The following CSMD1 variants were observed in gnomAD, a reference collection of about 807,000 sequenced individuals.
The protein encoded by CSMD1 is CUB and Sushi multiple domains 1.
A neutral mutation model predicts 417.5 loss-of-function variants in CSMD1; 213 were observed. That is an observed-to-expected ratio of 0.51 (90% CI 0.46 to 0.57). CSMD1 has a LOEUF of 0.57. Ranked by LOEUF, CSMD1 falls within the 20% of genes least tolerant of loss-of-function variation. CSMD1 has a pLI of 0.00. For missense variants in CSMD1, 6,923 were observed against 4,529.7 expected (o/e 1.53, Z -15.17); for synonymous variants, 2,862 against 1,736.8 (o/e 1.65, Z -16.11).
chr8:3,752,794 G>T (rs1005341840), intron 6 of CSMD1, among the ~76,000 whole-genome samples: 1 of 150,310 alleles, frequency 6.7e-6, no homozygotes, highest in Non-Finnish European at 1.5e-5. Context: ...GGCAAATAAA[G>T]ACTGCTGGTT....
chr8:4,985,108 G>C (rs1271117257), intron 1 of CSMD1, among the ~76,000 whole-genome samples: 1 of 152,104 alleles, frequency 6.6e-6, no homozygotes, highest in Non-Finnish European at 1.5e-5. Flanking sequence ...AACTAATCTA[G>C]GAACAGAAAA....
At chr8:4,470,106 G>A (rs1009614401) in intron 2 of CSMD1, among the ~76,000 whole-genome samples, 3 of 151,884 alleles carry the variant, frequency 2.0e-5, no homozygotes, top group Non-Finnish European at 4.4e-5. Context: ...TCCTGATCTC[G>A]TGATCCGCCC....
intron 1 of CSMD1, among the ~76,000 whole-genome samples, chr8:4,718,088 C>T (rs1040525755): frequency 6.6e-6 from 1 of 152,088 alleles, no homozygotes; most frequent in African/African-American, 2.4e-5. Context: ...GGAGATCCTC[C>T]CACTTCCTCA....
intron 3 of CSMD1, among the ~76,000 whole-genome samples, chr8:4,218,560 T>C (rs561469814): frequency 7.2e-5 from 11 of 152,338 alleles, no homozygotes; most frequent in African/African-American, 2.6e-4. Flanking sequence ...TGAGTCAAGT[T>C]GTCTATGTTC....
chr8:3,909,547 C>T (rs1490708083), intron 5 of CSMD1, among the ~76,000 whole-genome samples: 1 of 152,154 alleles, frequency 6.6e-6, no homozygotes, highest in East Asian at 1.9e-4. Context: ...CCAGGTATTT[C>T]AACCCTAGGG....
chr8:4,366,704 T>C, intron 3 of CSMD1, among the ~76,000 whole-genome samples: 1 of 150,060 alleles, frequency 6.7e-6, no homozygotes, highest in East Asian at 2.0e-4. Context: ...TTCTTTTTCT[T>C]TTATTTTATT....
intron 5 of CSMD1, among the ~76,000 whole-genome samples, chr8:3,941,785 T>G (rs1283084910): frequency 1.3e-5 from 2 of 152,106 alleles, no homozygotes; most frequent in Non-Finnish European, 2.9e-5. Flanking sequence ...TGATTCCAAT[T>G]TTTCCTCTGT....
At chr8:4,115,116 G>GA (rs1324703411) in intron 3 of CSMD1, among the ~76,000 whole-genome samples, 1 of 152,062 alleles carries the variant, frequency 6.6e-6, no homozygotes, top group Non-Finnish European at 1.5e-5. Context: ...AATCTTTCAT[G>GA]AAAAAAAGTC....
rs562077835 is a variant in CSMD1 at position 3,256,231 on chromosome 8, G to A, written c.4154-26000C>T. On this transcript the variant is annotated intron_variant, in intron 26 of 69. Coordinates refer to ENST00000635120, the MANE Select transcript of CSMD1 (RefSeq NM_033225.6). ...AATCCCAACTACTCAGGGGGCTGAG[G>A]CAGGAGAATTGCTTGAACCTGGGAG... Among the ~76,000 whole-genome samples the A allele has an allele frequency of 4.0e-5, 6 of 151,534 alleles. No individual in the cohort carries two copies. In the East Asian group the frequency reaches 5.9e-4, roughly 15 times the overall value.
intron 3 of CSMD1, among the ~76,000 whole-genome samples, chr8:4,370,395 G>A (rs767990998): frequency 6.6e-6 from 1 of 151,988 alleles, no homozygotes. Flanking sequence ...CACAGACCTT[G>A]GAAAATCTGA....
chr8:4,001,463 G>T (rs1045063243), intron 4 of CSMD1, among the ~76,000 whole-genome samples: 1 of 152,070 alleles, frequency 6.6e-6, no homozygotes, highest in African/African-American at 2.4e-5. Flanking sequence ...GGTAAAAGAG[G>T]GTTCTTTTTT....
chr8:4,211,353 T>C (rs561529213), intron 3 of CSMD1, among the ~76,000 whole-genome samples: 1 of 152,216 alleles, frequency 6.6e-6, no homozygotes, highest in East Asian at 1.9e-4. Context: ...ATTTCTTTTA[T>C]TCCCTGTTTT....
At chr8:4,092,772 C>T (rs2130852392) in intron 3 of CSMD1, among the ~76,000 whole-genome samples, 1 of 152,104 alleles carries the variant, frequency 6.6e-6, no homozygotes. Context: ...ATTCCTTTTA[C>T]TGTATTATTT....
intron 1 of CSMD1, among the ~76,000 whole-genome samples, chr8:4,746,839 C>T (rs1397636149): frequency 6.6e-6 from 1 of 152,150 alleles, no homozygotes; most frequent in Non-Finnish European, 1.5e-5. Context: ...ATAGTGATAC[C>T]TGGCATGTGA....
intron 29 of CSMD1, among the ~76,000 whole-genome samples, chr8:3,215,406 C>T (rs542197633): frequency 2.6e-5 from 4 of 152,300 alleles, no homozygotes; most frequent in Admixed American, 6.5e-5. Context: ...ATTGAGGGCT[C>T]ATTATGTACC....
chr8:4,834,710 A>G (rs1585182332), intron 1 of CSMD1, among the ~76,000 whole-genome samples: 2 of 152,156 alleles, frequency 1.3e-5, no homozygotes, highest in South Asian at 4.2e-4. Flanking sequence ...TAATCCCAGC[A>G]CTTTGGGAGG....
chr8:3,539,125 G>C (rs1036677749), intron 10 of CSMD1, among the ~76,000 whole-genome samples: 1 of 152,170 alleles, frequency 6.6e-6, no homozygotes, highest in Non-Finnish European at 1.5e-5. Flanking sequence ...GGATAGCAGG[G>C]ACCGCTTGTC....
chr8:4,178,487 A>G (rs1469114699), intron 3 of CSMD1, among the ~76,000 whole-genome samples: 12 of 151,336 alleles, frequency 7.9e-5, no homozygotes, highest in Admixed American at 1.3e-4. Context: ...CTGAATGGGC[A>G]AAAACTGGAA....
chr8:4,455,653 A>G (rs1408872471), intron 2 of CSMD1, among the ~76,000 whole-genome samples: 1 of 152,002 alleles, frequency 6.6e-6, no homozygotes, highest in Non-Finnish European at 1.5e-5. Flanking sequence ...AATTGAGGCC[A>G]GATACAGTGG....
Sources: allele counts gnomAD v4.1 joint callset (sites outside exome capture counted in the v4.1 genomes callset), GRCh38; gene constraint gnomAD v4.1.1; transcripts MANE v1.5; gene names NCBI Gene and HGNC (gene_info 2026-07-23, HGNC 2026-07-21).